Variants in CPEB1 observed in about 807,000 individuals in gnomAD.
CPEB1 encodes cytoplasmic polyadenylation element-binding protein 1.
CPEB1 carries 7 observed loss-of-function variants against 65.8 expected under a neutral mutation model. That is an observed-to-expected ratio of 0.11 (90% confidence interval 0.06 to 0.20). CPEB1 has a LOEUF of 0.20. Ranked by LOEUF, CPEB1 falls within the 10% of genes least tolerant of loss-of-function variation. The pLI is 1.00. For missense variants in CPEB1, 551 were observed against 712.2 expected, an observed-to-expected ratio of 0.77 and a Z score of 2.58; for synonymous variants, 262 against 260.0, an observed-to-expected ratio of 1.01 and a Z score of -0.08.
At position 82,555,850 on chromosome 15, in the gene CPEB1, C is replaced by A; in HGVS notation, c.940+20G>T. ...CCAAAATGAGGCCTCAGGCCTCACA[C>A]ATGCTCAAGGCACACTCACCTGCAG... On this transcript the variant is annotated intron_variant, in intron 6 of 12. Transcript: ENST00000684509. 1 of 1,601,540 alleles carries A rather than the reference C, an allele frequency of 6.2e-7. No homozygotes were observed. Among genetic ancestry groups the A allele is most frequent in the East Asian group, 2.2e-5 (1 of 44,760 alleles).
At chr15:82,596,280 C>A (rs1219625006) in intron 3 of CPEB1, among the ~76,000 whole-genome samples, 1 of 152,134 alleles carries the variant, frequency 6.6e-6, no homozygotes, top group Admixed American at 6.5e-5. Flanking sequence ...GCATAATATT[C>A]TGACCGAATT....
rs1046508952 is a variant in CPEB1, at chr15:82,617,803, G to A, written c.271+9390C>T. On this transcript the variant is annotated intron_variant, in intron 3 of 12. Coordinates refer to ENST00000684509, the MANE Select transcript of CPEB1 (RefSeq NM_001365242.1). ...GGCTGGAGTGCAGTGGCGGGATCTC[G>A]GCTCACTGCAAGCTCCGCCTCTCGG... Among the ~76,000 whole-genome samples the A allele has an allele frequency of 2.3e-3, 293 of 128,536 alleles. 1 individual carries two copies. Among genetic ancestry groups the A allele is most frequent in the African/African-American group, 8.3e-3 (285 of 34,422 alleles). The allele number at this position is 128,536 out of a possible 152,430, so 84.3% of individuals were successfully genotyped here. A position where few individuals can be genotyped will look rare whatever the true frequency, so the allele number is the denominator to read the frequency against.
chr15:82,545,789 C>T (rs2035080224), intron 12 of CPEB1, among the ~76,000 whole-genome samples: 2 of 152,142 alleles, frequency 1.3e-5, no homozygotes, highest in Admixed American at 1.3e-4. Flanking sequence ...TCCTCCTTTA[C>T]AGAAAAATCA....
chr15:82,556,060 G>C lies in CPEB1; in HGVS notation c.750C>G (p.Asp250Glu). 1.2e-6 allele frequency: 2 copies of C among 1,611,996 alleles called. No homozygotes were observed. The highest frequency in any genetic ancestry group is 1.7e-6 in the Non-Finnish European group (2 of 1,179,104). ...FLSLSGGGPR[D>E]PLKMGVGSRM... ...GAGACCCTACCCCCATCTTTAAAGGGTCTCTGGGACCACCCCCTGACAGAG... is the reference window on the plus strand; with the variant it reads ...GAGACCCTACCCCCATCTTTAAAGGCTCTCTGGGACCACCCCCTGACAGAG... Residue 250 changes from aspartate to glutamate, a missense_variant, in exon 6 of 13, where the codon GAC becomes GAG. Around this residue, in one of 6 missense-constraint regions of CPEB1, gnomAD observed 128 missense variants for 129.1 expected, o/e 0.99. Coordinates refer to ENST00000684509, the MANE Select transcript of CPEB1 (RefSeq NM_001365242.1).
chr15:82,583,706 C>T (rs1457645436), intron 3 of CPEB1, among the ~76,000 whole-genome samples: 1 of 152,170 alleles, frequency 6.6e-6, no homozygotes, highest in Non-Finnish European at 1.5e-5. Context: ...CCTATTTAAA[C>T]AAACTCCAAA....
chr15:82,548,185 A>C (rs1439393181), intron 10 of CPEB1, among the ~76,000 whole-genome samples: 1 of 152,066 alleles, frequency 6.6e-6, no homozygotes, highest in Admixed American at 6.5e-5. Context: ...AAATACAAAA[A>C]TTAGCTGAGC....
At chr15:82,591,231 A>C (rs1328483956) in intron 3 of CPEB1, among the ~76,000 whole-genome samples, 2 of 152,042 alleles carry the variant, frequency 1.3e-5, no homozygotes, top group African/African-American at 4.8e-5. Flanking sequence ...GTGAGGTAGT[A>C]ACTTACTGTG....
chr15:82,566,309 G>A (rs962924077), intron 4 of CPEB1, among the ~76,000 whole-genome samples: 6 of 152,102 alleles, frequency 3.9e-5, no homozygotes, highest in Non-Finnish European at 7.4e-5. Flanking sequence ...AAAATCTAAC[G>A]GGGAAAATCC....
chr15:82,560,998 G>A (rs1596020618), intron 4 of CPEB1, among the ~76,000 whole-genome samples: 1 of 152,254 alleles, frequency 6.6e-6, no homozygotes, highest in Non-Finnish European at 1.5e-5. Flanking sequence ...TGCATTATAG[G>A]CTAAAGACAG....
At chr15:82,616,462 G>C (rs895837416) in intron 3 of CPEB1, among the ~76,000 whole-genome samples, 1 of 151,828 alleles carries the variant, frequency 6.6e-6, no homozygotes, top group South Asian at 2.1e-4. Context: ...ATAAAGGTCT[G>C]AATCAAACAT....
intron 1 of CPEB1, among the ~76,000 whole-genome samples, chr15:82,630,943 G>A (rs1228923447): frequency 6.6e-6 from 1 of 152,074 alleles, no homozygotes. Flanking sequence ...TGTAATAAAA[G>A]TACTATATAT....
At chr15:82,570,362 C>T (rs753913399) in intron 4 of CPEB1, among the ~76,000 whole-genome samples, 4 of 152,082 alleles carry the variant, frequency 2.6e-5, no homozygotes, top group Non-Finnish European at 4.4e-5. Flanking sequence ...GTACCAACAG[C>T]GAATGGCTGT....
chr15:82,573,249 T>TTA, intron 3 of CPEB1: 1 of 939,262 alleles, frequency 1.1e-6, no homozygotes. Flanking sequence ...TTTTTTTTTT[T>TTA]AAAGCTTTGC....
chr15:82,577,773 C>T (rs919908804), intron 3 of CPEB1, among the ~76,000 whole-genome samples: 2 of 151,964 alleles, frequency 1.3e-5, no homozygotes, highest in African/African-American at 4.8e-5. Context: ...TCTGCCTGCC[C>T]CAGCCTCACA....
chr15:82,627,918 T>C (rs1025464280), intron 2 of CPEB1, among the ~76,000 whole-genome samples: 10 of 152,226 alleles, frequency 6.6e-5, no homozygotes, highest in African/African-American at 1.2e-4. Context: ...GAAGTTCTTT[T>C]AATACTGGAC....
chr15:82,602,817 C>T (rs1005053041), intron 3 of CPEB1, among the ~76,000 whole-genome samples: 1 of 152,086 alleles, frequency 6.6e-6, no homozygotes. Context: ...GGCACTCCAG[C>T]CTGGGCGACA....
At chr15:82,629,540 T>C (rs2046065455) in intron 1 of CPEB1, 1 of 985,404 alleles carries the variant, frequency 1.0e-6, no homozygotes, top group African/African-American at 1.7e-5. Flanking sequence ...ATCCACCAGA[T>C]GCCCAAAGCA....
chr15:82,585,697 G>T (rs1246448453), intron 3 of CPEB1, among the ~76,000 whole-genome samples: 1 of 152,102 alleles, frequency 6.6e-6, no homozygotes, highest in African/African-American at 2.4e-5. Context: ...ATTCCATTTT[G>T]TTTTTTAAAA....
intron 4 of CPEB1, 105 bp downstream of exon 4, chr15:82,571,239 T>C: frequency 7.1e-7 from 1 of 1,405,166 alleles, no homozygotes; most frequent in Non-Finnish European, 9.5e-7. Flanking sequence ...GTGTGTATGG[T>C]GGGGAGTGAT....
Sources: gnomAD v4.1 joint callset for allele counts (sites outside exome capture counted in the v4.1 genomes callset) on GRCh38, gnomAD v4.1.1 for gene constraint, gnomAD v4.1.1 regional missense constraint, MANE v1.5 for transcripts, NCBI Gene and HGNC (gene_info 2026-07-23, HGNC 2026-07-21) for gene names.